KCNQ3: variants seen among roughly 807,000 people sequenced by gnomAD.
KCNQ3 encodes potassium voltage-gated channel subfamily Q member 3, also known as potassium voltage-gated channel subfamily KQT member 3.
In KCNQ3, 30 loss-of-function variants were observed where a neutral mutation model predicts 92.5. The ratio of observed to expected loss-of-function variants is 0.32; its 90% CI spans 0.24 to 0.44. The LOEUF (loss-of-function observed/expected upper bound fraction) is 0.44. KCNQ3 is among the 20% of genes least tolerant of loss of function. KCNQ3 has a pLI of 1.00. For synonymous variants in KCNQ3, 450 were observed against 468.8 expected (o/e 0.96, Z 0.52); for missense variants, 913 against 1,140.3 (o/e 0.80, Z 2.87).
intron 9 of KCNQ3, among the ~76,000 whole-genome samples, chr8:132,141,543 A>T (rs1179741600): frequency 6.6e-6 from 1 of 152,160 alleles, no homozygotes; most frequent in African/African-American, 2.4e-5. Context: ...CCTGGGCAAG[A>T]CTTCTCTGAA....
intron 1 of KCNQ3, among the ~76,000 whole-genome samples, chr8:132,228,677 G>A (rs1380537909): frequency 6.6e-6 from 1 of 152,000 alleles, no homozygotes; most frequent in East Asian, 1.9e-4. Context: ...TGTTTTTGGG[G>A]GAGGGTGCTG....
At chr8:132,395,605 C>G (rs1820171493) in intron 1 of KCNQ3, among the ~76,000 whole-genome samples, 1 of 152,254 alleles carries the variant, frequency 6.6e-6, no homozygotes, top group Admixed American at 6.5e-5. Context: ...ATGAGACTTT[C>G]AGTCACAGAG....
chr8:132,353,365 GA>G (rs1315524398), intron 1 of KCNQ3, among the ~76,000 whole-genome samples: 2 of 151,892 alleles, frequency 1.3e-5, no homozygotes, highest in East Asian at 1.9e-4. Context: ...AGGACTGTCA[GA>G]AAAAAAATAT....
chr8:132,262,663 T>A (rs559586784), intron 1 of KCNQ3, among the ~76,000 whole-genome samples: 19 of 147,978 alleles, frequency 1.3e-4, no homozygotes, highest in Non-Finnish European at 2.8e-4. Flanking sequence ...CATGATATAC[T>A]CTTGAGGATG....
At chr8:132,306,864 T>A (rs1421043085) in intron 1 of KCNQ3, among the ~76,000 whole-genome samples, 1 of 152,160 alleles carries the variant, frequency 6.6e-6, no homozygotes, top group Non-Finnish European at 1.5e-5. Flanking sequence ...TTTTTTTATA[T>A]CTTAAGTTGA....
chr8:132,194,538 G>C (rs1463839079), intron 1 of KCNQ3, among the ~76,000 whole-genome samples: 1 of 152,198 alleles, frequency 6.6e-6, no homozygotes, highest in Non-Finnish European at 1.5e-5. Context: ...AGGCTGCCAG[G>C]AATGCGTTAT....
At chr8:132,376,089 G>A (rs1403419447) in intron 1 of KCNQ3, among the ~76,000 whole-genome samples, 2 of 152,032 alleles carry the variant, frequency 1.3e-5, no homozygotes, top group Non-Finnish European at 2.9e-5. Context: ...AATTGAACTT[G>A]CCTAGCATGC....
intron 1 of KCNQ3, among the ~76,000 whole-genome samples, chr8:132,464,457 G>A (rs1437900683): frequency 2.0e-5 from 3 of 152,156 alleles, no homozygotes; most frequent in Admixed American, 6.5e-5. Context: ...TGCAGAGAAT[G>A]GATGCTTGCA....
chr8:132,181,650 C>G (rs1826780295), intron 3 of KCNQ3, among the ~76,000 whole-genome samples: 1 of 152,274 alleles, frequency 6.6e-6, no homozygotes, highest in Admixed American at 6.5e-5. Flanking sequence ...TCCTGGGAAT[C>G]TGCCAGAAGC....
At chr8:132,269,209 A>AT (rs1554639007) in intron 1 of KCNQ3, among the ~76,000 whole-genome samples, 1 of 152,136 alleles carries the variant, frequency 6.6e-6, no homozygotes, top group Non-Finnish European at 1.5e-5. Flanking sequence ...GAAATGTTTC[A>AT]TTTTAATGAA....
At chr8:132,194,236 A>G (rs1321105217) in intron 1 of KCNQ3, among the ~76,000 whole-genome samples, 1 of 152,206 alleles carries the variant, frequency 6.6e-6, no homozygotes, top group Admixed American at 6.5e-5. Flanking sequence ...CGTCATAGTT[A>G]GCTGCACTTG....
At chr8:132,215,907 C>T (rs769209345) in intron 1 of KCNQ3, among the ~76,000 whole-genome samples, 11 of 152,152 alleles carry the variant, frequency 7.2e-5, no homozygotes, top group Non-Finnish European at 1.3e-4. Flanking sequence ...TTCTCTGCTC[C>T]CTCTTGCTCA....
intron 9 of KCNQ3, among the ~76,000 whole-genome samples, chr8:132,155,519 A>G (rs942219048): frequency 6.6e-6 from 1 of 152,182 alleles, no homozygotes; most frequent in Non-Finnish European, 1.5e-5. Flanking sequence ...TAAGCATGCA[A>G]TCCTTACCAC....
chr8:132,212,707 T>A lies in KCNQ3; in HGVS notation c.387-26526A>T, dbSNP rs1813897876. 4.6e-5 allele frequency among the ~76,000 whole-genome samples: 7 copies of A among 152,176 alleles called. No homozygotes were observed. In the South Asian group the frequency reaches 1.5e-3, roughly 32 times the overall value. ...AGGCACCCCGCCATGCTTCAGTCAT[T>A]CAGCTGCCGACTATGTGCTTCCTCC... On this transcript the variant is annotated intron_variant, in intron 1 of 14. Transcript: ENST00000388996.
intron 1 of KCNQ3, among the ~76,000 whole-genome samples, chr8:132,347,461 A>G (rs748482425): frequency 8.5e-5 from 13 of 152,180 alleles, no homozygotes; most frequent in Non-Finnish European, 1.8e-4. Flanking sequence ...GACCTTGTGG[A>G]ATTATTTGCT....
intron 1 of KCNQ3, among the ~76,000 whole-genome samples, chr8:132,200,774 C>A (rs998063109): frequency 1.3e-5 from 2 of 152,126 alleles, no homozygotes; most frequent in African/African-American, 2.4e-5. Flanking sequence ...TGTTATCATG[C>A]GTTTCTTCCT....
rs559814532 is a variant in KCNQ3, at chr8:132,152,688, G to C, written c.1262+10780C>G. Among the ~76,000 whole-genome samples, 14 of 152,272 alleles carry C rather than the reference G, an allele frequency of 9.2e-5. No homozygotes were observed. The South Asian group carries it at 2.9e-3, about 32-fold the overall frequency. On this transcript the variant is annotated intron_variant, in intron 9 of 14. Coordinates refer to ENST00000388996, the MANE Select transcript of KCNQ3 (RefSeq NM_004519.4). The stretch of plus-strand genomic sequence containing the variant: ...AGTCCCTGTACAGGGTTCCTGACCT[G>C]TGGTCAGTAAAAAATGTCATTTTCT...
intron 12 of KCNQ3, among the ~76,000 whole-genome samples, chr8:132,136,138 A>G (rs981823806): frequency 4.0e-5 from 6 of 148,998 alleles, no homozygotes; most frequent in Non-Finnish European, 7.5e-5. Flanking sequence ...AAAAAAAAAA[A>G]AAAAAAAAGA....
chr8:132,300,027 T>C (rs768897933), intron 1 of KCNQ3, among the ~76,000 whole-genome samples: 1 of 152,212 alleles, frequency 6.6e-6, no homozygotes, highest in Non-Finnish European at 1.5e-5. Flanking sequence ...TCTGATTCCC[T>C]GACTAGAGGA....
Sources: allele counts gnomAD v4.1 joint callset (sites outside exome capture counted in the v4.1 genomes callset), GRCh38; gene constraint gnomAD v4.1.1; transcripts MANE v1.5; gene names NCBI Gene and HGNC (gene_info 2026-07-23, HGNC 2026-07-21).